ANKRD6: variants seen among roughly 807,000 people sequenced by gnomAD.
ANKRD6 encodes the protein ankyrin repeat domain 6, also known as ankyrin repeat domain-containing protein 6.
In ANKRD6, 56 loss-of-function variants were observed where a neutral mutation model predicts 82.3. The ratio of observed to expected loss-of-function variants is 0.68; its 90% confidence interval spans 0.55 to 0.85. ANKRD6 has a LOEUF of 0.85. Among genes scored for constraint, ANKRD6 ranks in the 40% least tolerant of loss-of-function variants. The pLI is 0.00. For missense variants in ANKRD6, 852 were observed against 907.6 expected (o/e 0.94, Z 0.79); for synonymous variants, 347 against 352.1 (o/e 0.99, Z 0.16).
intron 3 of ANKRD6, among the ~76,000 whole-genome samples, chr6:89,597,014 G>T (rs1796065667): frequency 6.6e-6 from 1 of 152,188 alleles, no homozygotes; most frequent in African/African-American, 2.4e-5. Flanking sequence ...ATATGCTACA[G>T]TGTGGTTTAC....
intron 2 of ANKRD6, 137 bp downstream of exon 2, chr6:89,567,233 A>T (rs1484593837): frequency 7.2e-6 from 9 of 1,255,412 alleles, no homozygotes; most frequent in Non-Finnish European, 9.7e-6. Flanking sequence ...TTTGGGGAGA[A>T]GGAGGATTAT....
intron 1 of ANKRD6, among the ~76,000 whole-genome samples, chr6:89,546,101 C>T (rs534340374): frequency 5.3e-5 from 8 of 152,214 alleles, no homozygotes; most frequent in East Asian, 1.9e-4. Flanking sequence ...CCACTGCGCC[C>T]GGCCTTACTT....
intron 1 of ANKRD6, among the ~76,000 whole-genome samples, chr6:89,557,709 T>G (rs531346479): frequency 6.6e-6 from 1 of 152,136 alleles, no homozygotes; most frequent in East Asian, 1.9e-4. Flanking sequence ...GGCAAGCAGG[T>G]GAAACTTCAT....
chr6:89,560,348 T>A (rs1327372511), intron 1 of ANKRD6, among the ~76,000 whole-genome samples: 1 of 152,220 alleles, frequency 6.6e-6, no homozygotes, highest in East Asian at 1.9e-4. Context: ...TTCTTCTGTG[T>A]GTGCACACTC....
At chr6:89,551,947 T>C (rs1785909319) in intron 1 of ANKRD6, among the ~76,000 whole-genome samples, 1 of 152,190 alleles carries the variant, frequency 6.6e-6, no homozygotes, top group African/African-American at 2.4e-5. Flanking sequence ...GCCTTCACAT[T>C]AGGAACCTCT....
intron 2 of ANKRD6, among the ~76,000 whole-genome samples, chr6:89,576,348 C>G (rs1791109615): frequency 6.6e-6 from 1 of 152,228 alleles, no homozygotes; most frequent in African/African-American, 2.4e-5. Flanking sequence ...CCACACCTGG[C>G]CATTTGCACA....
chr6:89,571,611 T>C (rs1789923744), intron 2 of ANKRD6, among the ~76,000 whole-genome samples: 1 of 152,088 alleles, frequency 6.6e-6, no homozygotes, highest in African/African-American at 2.4e-5. Flanking sequence ...CCTTTAGGAG[T>C]ACTTTTTTAG....
chr6:89,571,762 A>G (rs1373779743), intron 2 of ANKRD6, among the ~76,000 whole-genome samples: 1 of 152,162 alleles, frequency 6.6e-6, no homozygotes, highest in African/African-American at 2.4e-5. Flanking sequence ...GTGAGCCTAT[A>G]CTGACGCATC....
chr6:89,436,903 T>C (rs568446834), intron 1 of ANKRD6, among the ~76,000 whole-genome samples: 4 of 152,324 alleles, frequency 2.6e-5, no homozygotes, highest in African/African-American at 9.6e-5. Flanking sequence ...AAGAAATAGC[T>C]ATGTTCTCTC....
At chr6:89,618,973 A>T (rs72913921) in intron 9 of ANKRD6, among the ~76,000 whole-genome samples, 15,094 of 152,278 alleles carry the variant, frequency 0.099, 979 homozygotes, top group South Asian at 0.17. Flanking sequence ...CAGGGAGTCA[A>T]AGGAAGATTT....
intron 1 of ANKRD6, among the ~76,000 whole-genome samples, chr6:89,555,429 CCTATTTTATACATA>C (rs1321952611): frequency 6.6e-6 from 1 of 151,994 alleles, no homozygotes; most frequent in African/African-American, 2.4e-5. Context: ...TGTAGTTATT[CCTATTTTATACATA>C]AGGGAGTGGG....
chr6:89,564,821 G>T lies in ANKRD6; in HGVS notation c.-143-2013G>T, dbSNP rs115902052. The stretch of plus-strand genomic sequence containing the variant: ...AAAGGTTCTAGAATGGAAGGGGGCC[G>T]TTGGGTCTAGTGTCTAGAGTTAACA... On this transcript the variant is annotated intron_variant, in intron 1 of 15. Coordinates refer to ENST00000339746, the MANE Select transcript of ANKRD6 (RefSeq NM_001242809.2). Among the ~76,000 whole-genome samples the T allele has an allele frequency of 2.0e-3, 309 of 152,286 alleles. 2 individuals are homozygous for T. The highest frequency in any genetic ancestry group is 6.3e-3 in the African/African-American group (260 of 41,550).
chr6:89,499,794 T>A (rs1055263812), intron 1 of ANKRD6, among the ~76,000 whole-genome samples: 2 of 152,134 alleles, frequency 1.3e-5, no homozygotes, highest in Non-Finnish European at 2.9e-5. Context: ...CGGTCCCCTT[T>A]CCCTGCTGCT....
At chr6:89,465,013 T>C (rs1173660395) in intron 1 of ANKRD6, among the ~76,000 whole-genome samples, 1 of 152,180 alleles carries the variant, frequency 6.6e-6, no homozygotes, top group African/African-American at 2.4e-5. Flanking sequence ...CAGTTTGCCC[T>C]GAAATTCCCC....
intron 2 of ANKRD6, among the ~76,000 whole-genome samples, chr6:89,573,488 T>C (rs1254256690): frequency 6.6e-6 from 1 of 152,186 alleles, no homozygotes; most frequent in African/African-American, 2.4e-5. Context: ...TTCTGATTGA[T>C]CTGGGTTGCT....
At chr6:89,588,038 C>T (rs1452946835) in intron 2 of ANKRD6, among the ~76,000 whole-genome samples, 1 of 152,060 alleles carries the variant, frequency 6.6e-6, no homozygotes, top group Non-Finnish European at 1.5e-5. Flanking sequence ...ACTTTTCTGA[C>T]CCAAATTTAC....
At chr6:89,628,930 T>G (rs921144875) in intron 14 of ANKRD6, 182 bp from the exon 15 acceptor site, 1 of 626,046 alleles carries the variant, frequency 1.6e-6, no homozygotes, top group African/African-American at 1.8e-5. Context: ...AACATGAGAT[T>G]TGGAGGGGTC....
intron 1 of ANKRD6, among the ~76,000 whole-genome samples, chr6:89,553,334 G>C (rs1450966474): frequency 6.6e-6 from 1 of 152,220 alleles, no homozygotes; most frequent in Non-Finnish European, 1.5e-5. Flanking sequence ...TTGAGCGTGT[G>C]CCTGAGGATG....
intron 1 of ANKRD6, among the ~76,000 whole-genome samples, chr6:89,464,163 C>T (rs937325098): frequency 6.6e-6 from 1 of 151,902 alleles, no homozygotes; most frequent in East Asian, 1.9e-4. Context: ...AAAAAACTGT[C>T]CTTGTTTTGT....
Sources: allele counts gnomAD v4.1 joint callset (sites outside exome capture counted in the v4.1 genomes callset), GRCh38; gene constraint gnomAD v4.1.1; transcripts MANE v1.5; gene names NCBI Gene and HGNC (gene_info 2026-07-23, HGNC 2026-07-21).